Variants in RIPK1 observed in about 807,000 individuals in gnomAD.
RIPK1 encodes the protein receptor interacting serine/threonine kinase 1.
In RIPK1, 27 loss-of-function variants were observed where a neutral mutation model predicts 62.4. The ratio of observed to expected loss-of-function variants is 0.43; its 90% CI spans 0.32 to 0.60. The LOEUF is 0.60. RIPK1 is among the 20% of genes least tolerant of loss of function. The pLI is 0.07. For synonymous variants in RIPK1, 287 were observed against 303.2 expected, an observed-to-expected ratio of 0.95 and a Z score of 0.55; for missense variants, 735 against 831.0, an observed-to-expected ratio of 0.88 and a Z score of 1.42.
At chr6:3,109,529 A>G (rs761722909) in intron 9 of RIPK1, among the ~76,000 whole-genome samples, 9 of 152,312 alleles carry the variant, frequency 5.9e-5, no homozygotes, top group Non-Finnish European at 1.0e-4. Context: ...GACCCTTCAC[A>G]GATGCTGTTC....
upstream of RIPK1, chr6:3,068,172 C>A (rs1056627744): frequency 4.1e-6 from 4 of 974,900 alleles, no homozygotes; most frequent in Non-Finnish European, 4.9e-6. Context: ...CCTCAACAGC[C>A]CCACTTTACA....
intron 6 of RIPK1, among the ~76,000 whole-genome samples, chr6:3,086,730 A>G (rs928116293): frequency 6.6e-6 from 1 of 152,194 alleles, no homozygotes; most frequent in African/African-American, 2.4e-5. Flanking sequence ...AAGCTCTCCA[A>G]GCCTCACCGT....
rs1761254646 is a variant in RIPK1 at position 3,113,239 on chromosome 6, A to G, written c.1916A>G (p.Glu639Gly). ...ATGCTCCAAAAGTGGGTGATGAGGG[A>G]AGGCATAAAGGGAGCCACGGTGGGG... ...YQMLQKWVMR[E>G]GIKGATVGKL... Residue 639 changes from glutamate (E) to glycine (G), a missense_variant, in exon 11 of 11, where the codon GAA (glutamate) becomes GGA (glycine). This residue lies in a region of RIPK1 where 64 missense variants were observed against 104.8 expected (regional missense o/e 0.61). Coordinates refer to ENST00000259808, the MANE Select transcript of RIPK1 (RefSeq NM_001354930.2). The surrounding 1 kb of genome is among the most constrained non-coding windows in gnomAD (Gnocchi z 5.0). The G allele has an allele frequency of 4.3e-6, 7 of 1,614,122 alleles. No individual in the cohort carries two copies. The highest frequency in any genetic ancestry group is 5.9e-6 in the Non-Finnish European group (7 of 1,180,010).
intron 9 of RIPK1, among the ~76,000 whole-genome samples, chr6:3,109,799 C>T (rs1761059594): frequency 6.6e-6 from 1 of 152,192 alleles, no homozygotes; most frequent in Non-Finnish European, 1.5e-5. Flanking sequence ...CCCAGCTCCC[C>T]TCCCAGCCCC....
intron 7 of RIPK1, among the ~76,000 whole-genome samples, chr6:3,103,303 TA>T (rs1760679882): frequency 7.1e-6 from 1 of 140,770 alleles, no homozygotes. Flanking sequence ...TTTATTTATT[TA>T]TTTTTTTTTT....
Position 3,076,778 on chromosome 6 carries a change from G to GT in RIPK1, c.-46_-45insT. On this transcript the variant is annotated 5_prime_UTR_variant, in exon 2 of 11. Transcript: ENST00000259808. ...TTTCTTTACAGGGTACAGCTCTGCC[G>GT]GGGGGGGAAAAAGTGGTACCATTTT... 6.7e-7 allele frequency: 1 copy of GT among 1,501,338 alleles called. No individual in the cohort carries two copies. Among genetic ancestry groups the GT allele is most frequent in the Non-Finnish European group, 9.0e-7 (1 of 1,106,804 alleles). The allele number at this position is 1,501,338 out of a possible 1,614,324, so 93.0% of individuals were successfully genotyped here.
chr6:3,103,685 C>T (rs1760694914), intron 7 of RIPK1, among the ~76,000 whole-genome samples: 1 of 152,178 alleles, frequency 6.6e-6, no homozygotes, highest in Non-Finnish European at 1.5e-5. Context: ...GCTTTTGTGT[C>T]ATAACCAAGA....
At chr6:3,107,128 T>G (rs1303695042) in intron 9 of RIPK1, among the ~76,000 whole-genome samples, 1 of 151,990 alleles carries the variant, frequency 6.6e-6, no homozygotes, top group African/African-American at 2.4e-5. Flanking sequence ...GGCGCATGCC[T>G]TTAGCCCCAG....
chr6:3,090,811 T>G (rs1310538549), intron 7 of RIPK1, among the ~76,000 whole-genome samples: 4 of 137,326 alleles, frequency 2.9e-5, no homozygotes, highest in Non-Finnish European at 4.5e-5. Context: ...CTGCCGCACC[T>G]AGTAACCGCA....
Position 3,113,025 on chromosome 6 carries a change from A to C in RIPK1, c.1730-28A>C, listed in dbSNP as rs893819540. 15 of 1,513,358 alleles carry C rather than the reference A, an allele frequency of 9.9e-6. No individual in the cohort carries two copies. Among genetic ancestry groups the C allele is most frequent in the Non-Finnish European group, 1.1e-5 (13 of 1,130,686 alleles). 93.7% of individuals were successfully genotyped at this position (1,513,358 alleles called of 1,614,324 possible). On this transcript the variant is annotated intron_variant, in intron 10 of 10. Coordinates refer to ENST00000259808, the MANE Select transcript of RIPK1 (RefSeq NM_001354930.2). This position sits in a 1 kb window ranked among gnomAD's most constrained non-coding sequence, Gnocchi z 5.0. ...GAATGTTTGAATGGGTTTTAGCTTG[A>C]TACCTTCTTCTTTTTCCCATTTGGC...
intron 5 of RIPK1, among the ~76,000 whole-genome samples, chr6:3,084,496 C>T (rs1759584983): frequency 6.6e-6 from 1 of 151,940 alleles, no homozygotes; most frequent in Admixed American, 6.6e-5. Context: ...TTAAGTCTCC[C>T]TTTCCCATTC....
upstream of RIPK1, among the ~76,000 whole-genome samples, chr6:3,067,857 C>T (rs899444915): frequency 6.6e-6 from 1 of 152,088 alleles, no homozygotes; most frequent in South Asian, 2.1e-4. Context: ...ATTCTCCTGC[C>T]TCAGCCTCCC....
Position 3,082,967 on chromosome 6 carries a change from C to G in RIPK1, c.460-118C>G. The G allele has an allele frequency of 3.2e-6, 3 of 928,948 alleles. No individual in the cohort carries two copies. In the East Asian group the frequency reaches 7.2e-5, roughly 22 times the overall value. 57.5% of individuals were successfully genotyped at this position (928,948 alleles called of 1,614,324 possible). A position where few individuals can be genotyped will look rare whatever the true frequency, so the allele number is the denominator to read the frequency against. On this transcript the variant is annotated intron_variant, in intron 4 of 10. Transcript: ENST00000259808. ...GCTGTTTTGAACCTGCCCAGTGCAA[C>G]CATTTCTGGAAAATTTACCGTACCT...
At chr6:3,112,616 G>A (rs938858083) in intron 10 of RIPK1, among the ~76,000 whole-genome samples, 23 of 152,242 alleles carry the variant, frequency 1.5e-4, no homozygotes, top group African/African-American at 5.1e-4. Flanking sequence ...CTGCAGCCTC[G>A]AACTCCTGAG....
At chr6:3,075,768 T>A (rs555285400) in intron 1 of RIPK1, among the ~76,000 whole-genome samples, 2 of 152,176 alleles carry the variant, frequency 1.3e-5, no homozygotes, top group Admixed American at 1.3e-4. Context: ...AAGTTCATAG[T>A]TTAGGCGATC....
At chr6:3,087,845 C>A (rs1581405356) in intron 6 of RIPK1, among the ~76,000 whole-genome samples, 1 of 152,256 alleles carries the variant, frequency 6.6e-6, no homozygotes, top group Non-Finnish European at 1.5e-5. Flanking sequence ...GCCTACCGAG[C>A]TTTTTATTAT....
intron 1 of RIPK1, 65 bp from the exon 2 acceptor site, chr6:3,076,699 C>CATATATACAT (rs1554113482): frequency 4.8e-6 from 1 of 209,762 alleles, no homozygotes; most frequent in African/African-American, 4.1e-5. Context: ...AAAAAAAAAA[C>CATATATACAT]ATATATATAT....
At chr6:3,075,393 C>T (rs2113567198) in intron 1 of RIPK1, among the ~76,000 whole-genome samples, 1 of 152,322 alleles carries the variant, frequency 6.6e-6, no homozygotes, top group Non-Finnish European at 1.5e-5. Context: ...ACACTGTATA[C>T]TTCACAGCCC....
rs764784518 is a variant in RIPK1, at chr6:3,105,636, T to C, written c.1161T>C (p.Tyr387=). 6.2e-7 allele frequency: 1 copy of C among 1,614,046 alleles called. No homozygotes were observed. Among genetic ancestry groups the C allele is most frequent in the Non-Finnish European group, 8.5e-7 (1 of 1,179,968 alleles). The change falls in exon 9 of 11, where the codon TAT becomes TAC. Residue 387 remains tyrosine (Y), a synonymous_variant. Transcript: ENST00000259808. This position sits in a 1 kb window ranked among gnomAD's most constrained non-coding sequence, Gnocchi z 4.5. ...AAGACGAAGCCAACTACCATCTTTA[T>C]GGCAGCCGCATGGACAGGCAGACGA... The part of the protein sequence containing the change: ...KLQDEANYHL[Y]GSRMDRQTKQ...
Sources: allele counts gnomAD v4.1 joint callset (sites outside exome capture counted in the v4.1 genomes callset), GRCh38; gene constraint gnomAD v4.1.1; regional missense constraint gnomAD v4.1.1; non-coding constraint Gnocchi (gnomAD v3.1); transcripts MANE v1.5; gene names NCBI Gene and HGNC (gene_info 2026-07-23, HGNC 2026-07-21).